The following MINDY3 variants were observed in gnomAD, a reference collection of about 807,000 sequenced individuals.
MINDY3 encodes the protein ubiquitin carboxyl-terminal hydrolase MINDY-3.
MINDY3 carries 38 observed loss-of-function variants against 69.2 expected under a neutral mutation model. That is an observed-to-expected ratio of 0.55 (90% CI 0.42 to 0.72). MINDY3 has a LOEUF of 0.72. Ranked by LOEUF, MINDY3 falls within the 30% of genes least tolerant of loss-of-function variation. The pLI, the probability that MINDY3 is intolerant of heterozygous loss-of-function variation, is 0.00. For missense variants in MINDY3, 522 were observed against 519.0 expected, an observed-to-expected ratio of 1.01 and a Z score of -0.06; for synonymous variants, 192 against 180.1, an observed-to-expected ratio of 1.07 and a Z score of -0.53.
At chr10:15,780,233 A>G (rs1023778857) in intron 14 of MINDY3, among the ~76,000 whole-genome samples, 6 of 152,236 alleles carry the variant, frequency 3.9e-5, no homozygotes, top group Non-Finnish European at 8.8e-5. Context: ...ATATTACTAG[A>G]TCAGATAATC....
chr10:15,823,877 A>G (rs1260056384), intron 8 of MINDY3, among the ~76,000 whole-genome samples: 1 of 152,200 alleles, frequency 6.6e-6, no homozygotes, highest in Non-Finnish European at 1.5e-5. Flanking sequence ...TTTAGATCCC[A>G]CATATAAGTA....
Position 15,796,400 on chromosome 10 carries a change from T to C in MINDY3, c.883-228A>G, listed in dbSNP as rs1438286714. Among the ~76,000 whole-genome samples the C allele has an allele frequency of 5.3e-5, 8 of 151,698 alleles. No homozygotes were observed. The East Asian group carries it at 1.4e-3, about 26-fold the overall frequency. On this transcript the variant is annotated intron_variant, in intron 10 of 14. Coordinates refer to ENST00000277632, the MANE Select transcript of MINDY3 (RefSeq NM_024948.4). Reference sequence around the variant, plus strand: ...ACAGAAAAGTGTTGTGAATAATACATGTGGAGTTTTACATAAATACTTAAA... The same window carrying C: ...ACAGAAAAGTGTTGTGAATAATACACGTGGAGTTTTACATAAATACTTAAA...
chr10:15,789,743 C>T (rs1280313137), intron 11 of MINDY3, among the ~76,000 whole-genome samples: 3 of 152,008 alleles, frequency 2.0e-5, no homozygotes, highest in African/African-American at 7.2e-5. Context: ...TATTTAGTTT[C>T]TTGAAGGAAT....
intron 11 of MINDY3, among the ~76,000 whole-genome samples, chr10:15,792,290 C>T (rs1837479268): frequency 6.6e-6 from 1 of 152,028 alleles, no homozygotes; most frequent in South Asian, 2.1e-4. Flanking sequence ...GGCAGGGAGT[C>T]CAGATCCCCA....
chr10:15,824,247 A>G (rs997872316), intron 8 of MINDY3, among the ~76,000 whole-genome samples: 1 of 152,168 alleles, frequency 6.6e-6, no homozygotes, highest in African/African-American at 2.4e-5. Flanking sequence ...TCCCACCAAC[A>G]GCATATAGGA....
intron 8 of MINDY3, among the ~76,000 whole-genome samples, chr10:15,824,666 A>G (rs886821480): frequency 2.0e-5 from 3 of 152,204 alleles, no homozygotes; most frequent in Non-Finnish European, 2.9e-5. Context: ...GAATACATAC[A>G]TTGGGAAACA....
Position 15,841,679 on chromosome 10 carries a change from T to C in MINDY3, c.236-80A>G, listed in dbSNP as rs1243829703. 5 of 817,432 alleles carry C rather than the reference T, an allele frequency of 6.1e-6. No individual in the cohort carries two copies. The African/African-American group carries it at 7.0e-5, about 11-fold the overall frequency. The allele number at this position is 817,432 out of a possible 1,614,324, so 50.6% of individuals were successfully genotyped here. ...CTGTCATGAATAACAATAGTAAGAA[T>C]GGGTTAATGATGAAAATCAAGCATT... On this transcript the variant is annotated intron_variant, in intron 3 of 14. Coordinates refer to ENST00000277632, the MANE Select transcript of MINDY3 (RefSeq NM_024948.4).
chr10:15,806,228 A>G lies in MINDY3; in HGVS notation c.883-10056T>C, dbSNP rs528384830. On this transcript the variant is annotated intron_variant, in intron 10 of 14. Transcript: ENST00000277632. ...TCTATTTGATCTTCCTATTGAGAGC[A>G]GTCTATATTTTCCTCTTGTGTCTTC... Among the ~76,000 whole-genome samples, 3 of 152,260 alleles carry G rather than the reference A, an allele frequency of 2.0e-5. No individual in the cohort carries two copies. The South Asian group carries it at 6.2e-4, about 32-fold the overall frequency.
chr10:15,859,895 G>A (rs899502159), intron 1 of MINDY3, among the ~76,000 whole-genome samples: 4 of 152,202 alleles, frequency 2.6e-5, no homozygotes, highest in East Asian at 1.9e-4. Flanking sequence ...ACCGGGGCAC[G>A]GGGCGCATCT....
intron 13 of MINDY3, among the ~76,000 whole-genome samples, chr10:15,784,665 A>G (rs1461378938): frequency 6.6e-6 from 1 of 152,158 alleles, no homozygotes; most frequent in Non-Finnish European, 1.5e-5. Context: ...TGGACCAGGG[A>G]GGCGGAGGTT....
At chr10:15,843,068 C>A in intron 3 of MINDY3, 144 bp downstream of exon 3, 1 of 662,656 alleles carries the variant, frequency 1.5e-6, no homozygotes, top group East Asian at 2.6e-5. Flanking sequence ...TATGGAGTCA[C>A]TGTTCATGAA....
intron 8 of MINDY3, among the ~76,000 whole-genome samples, chr10:15,831,211 G>A (rs1376190244): frequency 1.3e-5 from 2 of 152,186 alleles, no homozygotes; most frequent in Admixed American, 6.5e-5. Flanking sequence ...AGCAGTAAGA[G>A]TTTAAATGAG....
rs183161089 is a variant in MINDY3, at chr10:15,803,976, T to G, written c.883-7804A>C. ...GTACTGCATTTGGAACTCTTTTAGG[T>G]ACCCTCAGTAGGAAGAGATCCTACA... is the stretch of plus-strand genomic sequence containing the variant. On this transcript the variant is annotated intron_variant, in intron 10 of 14. Transcript: ENST00000277632. 5.9e-5 allele frequency among the ~76,000 whole-genome samples: 9 copies of G among 152,248 alleles called. No homozygotes were observed. In the East Asian group the frequency reaches 1.2e-3, roughly 20 times the overall value.
chr10:15,794,861 C>G (rs1226793726), intron 11 of MINDY3, among the ~76,000 whole-genome samples: 3 of 151,968 alleles, frequency 2.0e-5, no homozygotes, highest in African/African-American at 7.2e-5. Context: ...TTCAGCCTTA[C>G]AACATCAGCC....
chr10:15,849,189 G>T (rs146509845), intron 1 of MINDY3, among the ~76,000 whole-genome samples: 82 of 152,304 alleles, frequency 5.4e-4, no homozygotes, highest in African/African-American at 1.9e-3. Flanking sequence ...ACAGGAATTT[G>T]CCAGAGAGGC....
chr10:15,806,455 C>T (rs766219619), intron 10 of MINDY3, among the ~76,000 whole-genome samples: 2 of 152,104 alleles, frequency 1.3e-5, no homozygotes, highest in African/African-American at 2.4e-5. Context: ...AATCCTACCT[C>T]GTTTTCTACA....
At chr10:15,812,485 T>A (rs999475912) in intron 10 of MINDY3, among the ~76,000 whole-genome samples, 1 of 152,166 alleles carries the variant, frequency 6.6e-6, no homozygotes, top group African/African-American at 2.4e-5. Context: ...AAGTTTTTAA[T>A]TCCTCTATGG....
chr10:15,797,536 A>G (rs922120179), intron 10 of MINDY3, among the ~76,000 whole-genome samples: 2 of 152,062 alleles, frequency 1.3e-5, no homozygotes, highest in Non-Finnish European at 2.9e-5. Flanking sequence ...CTTGAATTGT[A>G]TCTAGTCTTC....
intron 4 of MINDY3, 22 bp from the exon 5 acceptor site, chr10:15,838,301 C>T: frequency 1.3e-6 from 2 of 1,580,364 alleles, no homozygotes; most frequent in Non-Finnish European, 8.6e-7. Flanking sequence ...AGACACTTTT[C>T]AGCACTACAC....
Sources: allele counts gnomAD v4.1 joint callset (sites outside exome capture counted in the v4.1 genomes callset), GRCh38; gene constraint gnomAD v4.1.1; transcripts MANE v1.5; gene names NCBI Gene and HGNC (gene_info 2026-07-23, HGNC 2026-07-21).